The following SHANK2 variants were observed in gnomAD, a reference collection of about 807,000 sequenced individuals.
SHANK2 encodes SH3 and multiple ankyrin repeat domains protein 2.
Under a neutral mutation model 133.7 loss-of-function variants are expected in SHANK2, and 43 were observed. The observed-to-expected ratio is 0.32, with a 90% CI of 0.25 to 0.41. The LOEUF is 0.41. Ranked by LOEUF, SHANK2 falls within the 10% of genes least tolerant of loss-of-function variation. SHANK2 has a pLI of 1.00. For missense variants in SHANK2, 1,994 were observed against 2,235.8 expected (o/e 0.89, Z 2.18); for synonymous variants, 1,017 against 952.8 (o/e 1.07, Z -1.24).
intron 11 of SHANK2, among the ~76,000 whole-genome samples, chr11:70,832,586 A>G (rs1555058880): frequency 6.6e-6 from 1 of 152,202 alleles, no homozygotes; most frequent in Non-Finnish European, 1.5e-5. Flanking sequence ...GAGTGAATTA[A>G]CAGAGGGGGT....
At chr11:70,612,058 G>C (rs570453876) in intron 17 of SHANK2, among the ~76,000 whole-genome samples, 2 of 152,082 alleles carry the variant, frequency 1.3e-5, no homozygotes, top group Non-Finnish European at 2.9e-5. Context: ...AGGAGGCGGC[G>C]TCCGGGCGTG....
At chr11:70,718,839 C>A (rs575296599) in intron 14 of SHANK2, among the ~76,000 whole-genome samples, 16 of 152,060 alleles carry the variant, frequency 1.1e-4, no homozygotes, top group African/African-American at 3.4e-4. Context: ...TGTCCTTCAT[C>A]CCCCTGGAGA....
intron 11 of SHANK2, among the ~76,000 whole-genome samples, chr11:70,836,710 A>C (rs1948823486): frequency 6.6e-6 from 1 of 152,232 alleles, no homozygotes; most frequent in Admixed American, 6.5e-5. Flanking sequence ...ACATTCAAGC[A>C]CTAGGCCCAC....
intron 17 of SHANK2, chr11:70,631,750 C>A (rs1415798142): frequency 1.3e-5 from 2 of 152,286 alleles, no homozygotes; most frequent in Non-Finnish European, 2.9e-5. Flanking sequence ...CAGTCGGGGT[C>A]CCCTGACCTC....
chr11:70,876,809 G>T (rs763355364), intron 11 of SHANK2, among the ~76,000 whole-genome samples: 9 of 152,140 alleles, frequency 5.9e-5, no homozygotes, highest in Non-Finnish European at 1.0e-4. Context: ...GAGCAACGGT[G>T]GGGTAGGGGA....
intron 17 of SHANK2, among the ~76,000 whole-genome samples, chr11:70,603,038 G>C (rs1554991386): frequency 1.3e-5 from 2 of 152,210 alleles, no homozygotes; most frequent in Admixed American, 6.5e-5. Flanking sequence ...ACAGAAAGCT[G>C]GAAAACAGGT....
At chr11:71,090,174 G>GTT (rs1951482795) in intron 8 of SHANK2, among the ~76,000 whole-genome samples, 1 of 124,884 alleles carries the variant, frequency 8.0e-6, no homozygotes, top group Non-Finnish European at 1.7e-5. Flanking sequence ...AACACAACCT[G>GTT]TGTGTGTGTG....
intron 14 of SHANK2, among the ~76,000 whole-genome samples, chr11:70,779,265 C>A (rs1216935589): frequency 6.7e-6 from 1 of 150,328 alleles, no homozygotes; most frequent in African/African-American, 2.4e-5. Context: ...GCATACGAGA[C>A]AGAAAGGGTG....
chr11:70,819,017 G>A (rs1347352370), intron 12 of SHANK2, among the ~76,000 whole-genome samples: 1 of 152,242 alleles, frequency 6.6e-6, no homozygotes, highest in Non-Finnish European at 1.5e-5. Context: ...GCTGGCAACA[G>A]AGCATGACCC....
chr11:71,148,744 C>A (rs549908665), intron 2 of SHANK2, among the ~76,000 whole-genome samples: 1 of 152,186 alleles, frequency 6.6e-6, no homozygotes, highest in Non-Finnish European at 1.5e-5. Flanking sequence ...AATGAATGAA[C>A]CCAAGCTACA....
chr11:70,809,122 A>G (rs1948227678), intron 12 of SHANK2, among the ~76,000 whole-genome samples: 3 of 152,230 alleles, frequency 2.0e-5, no homozygotes, highest in Admixed American at 6.5e-5. Flanking sequence ...AAACGCATCT[A>G]CACGGAGGAA....
chr11:70,568,646 G>GTCCC (rs2059999450), intron 17 of SHANK2, among the ~76,000 whole-genome samples: 1 of 79,966 alleles, frequency 1.3e-5, no homozygotes, highest in Non-Finnish European at 2.8e-5. Context: ...GCGGATTCCT[G>GTCCC]CCCCCCCCGC....
intron 14 of SHANK2, among the ~76,000 whole-genome samples, chr11:70,744,462 G>T (rs1048618770): frequency 3.9e-5 from 6 of 152,310 alleles, no homozygotes; most frequent in Admixed American, 1.3e-4. Context: ...CGGCCCCCTG[G>T]GGGGTTCCTG....
At chr11:70,519,974 C>T (rs1822037013) in intron 17 of SHANK2, among the ~76,000 whole-genome samples, 1 of 150,354 alleles carries the variant, frequency 6.7e-6, no homozygotes, top group South Asian at 2.1e-4. Flanking sequence ...TCTCAAACTC[C>T]TGGGCTCAAG....
At chr11:70,477,453 G>A (rs1436932598) in intron 25 of SHANK2, 1 of 152,166 alleles carries the variant, frequency 6.6e-6, no homozygotes, top group Non-Finnish European at 1.5e-5. Flanking sequence ...TTGGGATAAT[G>A]TAACCACTTG....
intron 15 of SHANK2, among the ~76,000 whole-genome samples, chr11:70,663,630 C>T (rs1385864653): frequency 6.6e-6 from 1 of 152,248 alleles, no homozygotes; most frequent in Non-Finnish European, 1.5e-5. Context: ...TGGTCACTCC[C>T]GTTGTCAGCA....
intron 17 of SHANK2, among the ~76,000 whole-genome samples, chr11:70,563,200 T>C (rs1232368981): frequency 3.9e-5 from 6 of 152,212 alleles, no homozygotes; most frequent in Admixed American, 2.0e-4. Context: ...TCCATTTTAT[T>C]TCCTCTGTCA....
chr11:71,197,851 C>T (rs1413932250), intron 2 of SHANK2, among the ~76,000 whole-genome samples: 4 of 152,172 alleles, frequency 2.6e-5, no homozygotes, highest in South Asian at 2.1e-4. Context: ...TGAGCCACAT[C>T]GCTTACCCAT....
At chr11:70,536,377 C>T (rs782020573) in intron 17 of SHANK2, among the ~76,000 whole-genome samples, 13 of 152,174 alleles carry the variant, frequency 8.5e-5, no homozygotes, top group Non-Finnish European at 1.5e-4. Context: ...GTGTGTGGGC[C>T]GGCTCTGTAG....
Sources: allele counts gnomAD v4.1 joint callset (sites outside exome capture counted in the v4.1 genomes callset), GRCh38; gene constraint gnomAD v4.1.1; transcripts MANE v1.5; gene names NCBI Gene and HGNC (gene_info 2026-07-23, HGNC 2026-07-21).